DYNC2H1: variants seen among roughly 807,000 people sequenced by gnomAD.
DYNC2H1 encodes the protein cytoplasmic dynein 2 heavy chain 1.
A neutral mutation model predicts 570.0 loss-of-function variants in DYNC2H1; 410 were observed. That is an observed-to-expected ratio of 0.72 (90% CI 0.66 to 0.78). DYNC2H1 has a LOEUF of 0.78. Among genes scored for constraint, DYNC2H1 ranks in the 30% least tolerant of loss-of-function variants. The probability of loss-of-function intolerance (pLI) is 0.00; values close to 1 mark genes in which losing one functional copy is unlikely to be tolerated. For missense variants in DYNC2H1, 4,865 were observed against 5,046.4 expected (o/e 0.96, Z 1.09); for synonymous variants, 1,688 against 1,677.6 (o/e 1.01, Z -0.15).
intron 54 of DYNC2H1, among the ~76,000 whole-genome samples, chr11:103,214,471 G>A (rs1454629919): frequency 7.1e-6 from 1 of 140,184 alleles, no homozygotes; most frequent in Non-Finnish European, 1.5e-5. Context: ...TTGAGTAGGA[G>A]TCTTGCTCTG....
chr11:103,387,273 G>C (rs1487263286), intron 83 of DYNC2H1, among the ~76,000 whole-genome samples: 1 of 152,140 alleles, frequency 6.6e-6, no homozygotes, highest in Non-Finnish European at 1.5e-5. Context: ...ATTTTTTCAT[G>C]TGTCTTTTGG....
chr11:103,123,776 T>C (rs1858844826), intron 11 of DYNC2H1, among the ~76,000 whole-genome samples: 1 of 152,158 alleles, frequency 6.6e-6, no homozygotes, highest in Admixed American at 6.5e-5. Context: ...TTTAACTTTG[T>C]TCCTTCCACA....
At chr11:103,272,667 C>T (rs1420122812) in intron 70 of DYNC2H1, among the ~76,000 whole-genome samples, 3 of 152,096 alleles carry the variant, frequency 2.0e-5, no homozygotes, top group Non-Finnish European at 2.9e-5. Context: ...AAACAAACCA[C>T]TATGCCTGGA....
intron 26 of DYNC2H1, among the ~76,000 whole-genome samples, chr11:103,158,406 G>A (rs936290438): frequency 3.9e-5 from 6 of 152,088 alleles, no homozygotes; most frequent in African/African-American, 9.7e-5. Flanking sequence ...CAGAGATTGC[G>A]CCACTGCACT....
intron 87 of DYNC2H1, among the ~76,000 whole-genome samples, chr11:103,468,144 A>T (rs1591802484): frequency 1.3e-5 from 2 of 152,186 alleles, no homozygotes; most frequent in African/African-American, 4.8e-5. Context: ...TTTCATATTC[A>T]TATCACATGT....
chr11:103,292,049 T>G (rs1866625277), intron 75 of DYNC2H1, among the ~76,000 whole-genome samples: 1 of 152,120 alleles, frequency 6.6e-6, no homozygotes, highest in South Asian at 2.1e-4. Context: ...TCCATTTATA[T>G]TCAGAGTTAT....
intron 88 of DYNC2H1, among the ~76,000 whole-genome samples, chr11:103,475,121 G>A (rs1428059873): frequency 1.3e-5 from 2 of 152,082 alleles, no homozygotes; most frequent in Admixed American, 1.3e-4. Flanking sequence ...TCAAATTTTA[G>A]CCTCATTATT....
At chr11:103,208,066 T>A (rs1347418658) in intron 52 of DYNC2H1, among the ~76,000 whole-genome samples, 3 of 151,980 alleles carry the variant, frequency 2.0e-5, no homozygotes, top group East Asian at 3.9e-4. Context: ...AAGAATGGGA[T>A]GTTTGAAAGT....
In DYNC2H1 at chr11:103,122,918, C is replaced by A. The variant is rs745760561; in HGVS notation, c.1579C>A (p.Leu527Ile). Residue 527 changes from leucine (L) to isoleucine (I), a missense_variant, in exon 11 of 89, where the codon CTT (leucine) becomes ATT (isoleucine). Transcript: ENST00000375735. ...AAGTGCCAAAGATCTCTTAGACCAGCTTAAACTATATGAACAGGAACAATT... is the reference window on the plus strand; with the variant it reads ...AAGTGCCAAAGATCTCTTAGACCAGATTAAACTATATGAACAGGAACAATT... The part of the protein sequence containing the change: ...HQSAKDLLDQ[L>I]KLYEQEQFDD... The A allele has an allele frequency of 1.9e-6, 3 of 1,612,224 alleles. No individual in the cohort carries two copies. Among genetic ancestry groups the A allele is most frequent in the Non-Finnish European group, 2.5e-6 (3 of 1,179,066 alleles).
Position 103,228,256 on chromosome 11 carries a change from G to A in DYNC2H1, c.9354-3004G>A, listed in dbSNP as rs1248390974. 6.6e-6 allele frequency among the ~76,000 whole-genome samples: 1 copy of A among 152,134 alleles called. No homozygotes were observed. Among genetic ancestry groups the A allele is most frequent in the African/African-American group, 2.4e-5 (1 of 41,440 alleles). ...GGTATAATATTTTGGGGGTGTTAAA[G>A]AACCTTGTTTTGTCATATTACCACA... On this transcript the variant is annotated intron_variant, in intron 59 of 88. Coordinates refer to ENST00000375735, the MANE Select transcript of DYNC2H1 (RefSeq NM_001377.3). The surrounding 1 kb of genome is among the most constrained non-coding windows in gnomAD (Gnocchi z 6.1).
rs1180661119 is a variant in DYNC2H1 at position 103,156,500 on chromosome 11, G to T, written c.3857G>T (p.Ser1286Ile). Reference protein sequence around the residue: ...FTLIDYEDSQSRTMKLIKDWK... With the variant: ...FTLIDYEDSQIRTMKLIKDWK... Reference sequence around the variant, plus strand: ...TTAATTGATTATGAAGACAGCCAAAGTCGAACTATGAAGCTGATTAAAGAC... The same window carrying T: ...TTAATTGATTATGAAGACAGCCAAATTCGAACTATGAAGCTGATTAAAGAC... The change falls in exon 26 of 89, where the codon AGT becomes ATT. Residue 1286 changes from serine to isoleucine, a missense_variant. Ser to Ile is a moderately radical substitution (Grantham distance 142, BLOSUM62 -2). Coordinates refer to ENST00000375735, the MANE Select transcript of DYNC2H1 (RefSeq NM_001377.3). The T allele has an allele frequency of 4.3e-6, 7 of 1,613,600 alleles. No homozygotes were observed. The highest frequency in any genetic ancestry group is 5.9e-6 in the Non-Finnish European group (7 of 1,179,740).
chr11:103,125,365 G>GTTT, intron 12 of DYNC2H1, 70 bp downstream of exon 12: 1 of 957,794 alleles, frequency 1.0e-6, no homozygotes, highest in Non-Finnish European at 1.4e-6. Flanking sequence ...TATGCTAAAG[G>GTTT]CTTTTTTTTT....
chr11:103,165,684 T>C (rs1861276021), intron 30 of DYNC2H1, among the ~76,000 whole-genome samples: 1 of 152,128 alleles, frequency 6.6e-6, no homozygotes, highest in Non-Finnish European at 1.5e-5. Flanking sequence ...GAGTATAGTA[T>C]GAAATGAGTT....
chr11:103,426,641 A>G lies in DYNC2H1; in HGVS notation c.12367-9302A>G, dbSNP rs1234729538. Among the ~76,000 whole-genome samples the G allele has an allele frequency of 3.9e-5, 6 of 152,224 alleles. No individual in the cohort carries two copies. In the East Asian group the frequency reaches 9.6e-4, roughly 24 times the overall value. ...GTAAGATTTTTCAACATCCATGCAC[A>G]TAAACACACAAAATCTATGGCTAAA... On this transcript the variant is annotated intron_variant, in intron 84 of 88. Coordinates refer to ENST00000375735, the MANE Select transcript of DYNC2H1 (RefSeq NM_001377.3).
At chr11:103,311,836 G>C (rs374334263) in intron 78 of DYNC2H1, 42 bp from the exon 79 acceptor site, 1 of 1,541,430 alleles carries the variant, frequency 6.5e-7, no homozygotes, top group Non-Finnish European at 8.7e-7. Flanking sequence ...TATTTTACTT[G>C]TAGGATTTTA....
In DYNC2H1 at chr11:103,204,358, T is replaced by C. The variant is rs1862840198; in HGVS notation, c.8312-464T>C. On this transcript the variant is annotated intron_variant, in intron 51 of 88. Coordinates refer to ENST00000375735, the MANE Select transcript of DYNC2H1 (RefSeq NM_001377.3). The surrounding 1 kb of genome is among the most constrained non-coding windows in gnomAD (Gnocchi z 4.1). Reference sequence around the variant, plus strand: ...TTAGCAAACAGGAATGATGAAAGTATGGTAATGTTCTTTGGAATATTTACC... The same window carrying C: ...TTAGCAAACAGGAATGATGAAAGTACGGTAATGTTCTTTGGAATATTTACC... Among the ~76,000 whole-genome samples, 1 of 152,190 alleles carries C rather than the reference T, an allele frequency of 6.6e-6. No homozygotes were observed. Among genetic ancestry groups the C allele is most frequent in the Non-Finnish European group, 1.5e-5 (1 of 68,024 alleles).
Position 103,154,809 on chromosome 11 carries a change from A to G in DYNC2H1, c.3573A>G (p.Lys1191=), listed in dbSNP as rs963771835. 3 of 1,535,160 alleles carry G rather than the reference A, an allele frequency of 2.0e-6. No homozygotes were observed. The highest frequency in any genetic ancestry group is 1.4e-5 in the African/African-American group (1 of 72,240). The change falls in exon 24 of 89, where the codon AAA becomes AAG. Residue 1191 remains lysine, a splice_region_variant and synonymous_variant. Coordinates refer to ENST00000375735, the MANE Select transcript of DYNC2H1 (RefSeq NM_001377.3). ...VKLQSEVDKY[K]IVIPILKYVR... is the part of the protein sequence containing the mutation. ...TACAATCAGAGGTTGACAAATATAA[A>G]GTAAGATTGTTTTATTATTTTGCCA... is the stretch of plus-strand genomic sequence containing the variant.
chr11:103,230,227 C>T (rs902046909), intron 59 of DYNC2H1, among the ~76,000 whole-genome samples: 6 of 152,156 alleles, frequency 3.9e-5, no homozygotes, highest in African/African-American at 1.4e-4. Context: ...AGGAAGCTTT[C>T]TTGACCTGTC....
In DYNC2H1 at chr11:103,474,047, A is replaced by T. The variant is rs987561121; in HGVS notation, c.12766-5048A>T. 5.3e-5 allele frequency: 11 copies of T among 208,966 alleles called. No homozygotes were observed. The East Asian group carries it at 1.4e-3, about 27-fold the overall frequency. The allele number at this position is 208,966 out of a possible 1,614,324, so 12.9% of individuals were successfully genotyped here. A position where few individuals can be genotyped will look rare whatever the true frequency, so the allele number is the denominator to read the frequency against. ...TATACACTCTGGTTTAAAAATACCA[A>T]ATATTTCACTAACATATTTTGTATG... On this transcript the variant is annotated intron_variant, in intron 88 of 88. Transcript: ENST00000375735.
Sources: allele counts gnomAD v4.1 joint callset (sites outside exome capture counted in the v4.1 genomes callset), GRCh38; gene constraint gnomAD v4.1.1; non-coding constraint Gnocchi (gnomAD v3.1); transcripts MANE v1.5; gene names NCBI Gene and HGNC (gene_info 2026-07-23, HGNC 2026-07-21).